ZDHHC21: variants seen among roughly 807,000 people sequenced by gnomAD.
ZDHHC21 encodes palmitoyltransferase ZDHHC21.
Under a neutral mutation model 34.6 loss-of-function variants are expected in ZDHHC21, and 15 were observed. That is an observed-to-expected ratio of 0.43 (90% CI 0.29 to 0.67). The LOEUF (loss-of-function observed/expected upper bound fraction) is 0.67. ZDHHC21 is among the 30% of genes least tolerant of loss of function. The pLI is 0.14. For synonymous variants in ZDHHC21, 142 were observed against 101.8 expected, an observed-to-expected ratio of 1.40 and a Z score of -2.38; for missense variants, 344 against 327.7, an observed-to-expected ratio of 1.05 and a Z score of -0.38.
chr9:14,683,319 GAA>G (rs1253697465), intron 2 of ZDHHC21, among the ~76,000 whole-genome samples: 1 of 72,390 alleles, frequency 1.4e-5, no homozygotes, highest in Non-Finnish European at 3.5e-5. Flanking sequence ...TAATAAAGAA[GAA>G]AAGAGAGAAG....
chr9:14,620,663 G>C (rs2133438653), intron 8 of ZDHHC21, among the ~76,000 whole-genome samples: 1 of 152,010 alleles, frequency 6.6e-6, no homozygotes, highest in South Asian at 2.1e-4. Flanking sequence ...CTAATAAACA[G>C]CACCTTCACT....
intron 8 of ZDHHC21, among the ~76,000 whole-genome samples, chr9:14,635,382 A>G (rs1828098489): frequency 6.6e-6 from 1 of 152,222 alleles, no homozygotes; most frequent in African/African-American, 2.4e-5. Context: ...GATTTGGCAC[A>G]TCATAATCAA....
the ZDHHC21 span, among the ~76,000 whole-genome samples, chr9:14,596,253 A>G: frequency 1.3e-5 from 2 of 152,234 alleles, no homozygotes; most frequent in African/African-American, 4.8e-5. Flanking sequence ...CAGCAGAATG[A>G]GTATGACCCC....
chr9:14,650,174 C>G (rs990278013), intron 7 of ZDHHC21, among the ~76,000 whole-genome samples: 1 of 151,732 alleles, frequency 6.6e-6, no homozygotes. Context: ...GATATACTGA[C>G]AAATGGAATT....
intron 7 of ZDHHC21, among the ~76,000 whole-genome samples, chr9:14,644,573 G>C (rs1483057804): frequency 1.3e-5 from 2 of 151,854 alleles, no homozygotes; most frequent in African/African-American, 4.8e-5. Flanking sequence ...CTAAGTTCTA[G>C]TTTACTAAGA....
intron 7 of ZDHHC21, among the ~76,000 whole-genome samples, chr9:14,655,691 G>T (rs1308160047): frequency 6.6e-6 from 1 of 151,430 alleles, no homozygotes; most frequent in Non-Finnish European, 1.5e-5. Flanking sequence ...AAAAGAAAAA[G>T]CCATTAGAAA....
intron 1 of ZDHHC21, among the ~76,000 whole-genome samples, chr9:14,692,221 C>G (rs2890987): frequency 0.15 from 23,491 of 152,122 alleles, 2,291 homozygotes; most frequent in East Asian, 0.35. Flanking sequence ...ACACCAAAAG[C>G]CTTTTAATCC....
chr9:14,633,920 C>A (rs1013049585), intron 8 of ZDHHC21, among the ~76,000 whole-genome samples: 1 of 152,166 alleles, frequency 6.6e-6, no homozygotes, highest in African/African-American at 2.4e-5. Context: ...TTGCCTTGGG[C>A]CTGGAGATCA....
chr9:14,619,080 T>C lies in ZDHHC21; in HGVS notation c.684A>G (p.Pro228=), dbSNP rs762363537. Residue 228 remains proline (P), a synonymous_variant, in exon 10 of 10, where the codon CCA becomes CCG. Coordinates refer to ENST00000380916, the MANE Select transcript of ZDHHC21 (RefSeq NM_178566.6). ...AAACTTCTGAGAAGGTCTGCTGCCA[T>C]GGCTTTCGGGGCCTCGATCTACAGA... The part of the protein sequence containing the change: ...CCEDISRPRK[P]WQQTFSEVFG... 24 of 1,610,948 alleles carry C rather than the reference T, an allele frequency of 1.5e-5. No individual in the cohort carries two copies. Among genetic ancestry groups the C allele is most frequent in the Non-Finnish European group, 2.0e-5 (23 of 1,178,562 alleles).
downstream of ZDHHC21, among the ~76,000 whole-genome samples, chr9:14,607,100 A>G (rs1823036310): frequency 6.7e-6 from 1 of 149,576 alleles, no homozygotes; most frequent in Non-Finnish European, 1.5e-5. Context: ...AAAAAAAAAA[A>G]TCTACATGAT....
At position 14,616,156 on chromosome 9, in the gene ZDHHC21, T is replaced by C. The variant is rs1350048431; in HGVS notation, c.*2810A>G. On this transcript the variant is annotated 3_prime_UTR_variant, in exon 10 of 10. Transcript: ENST00000380916. ...TAAATGTAGTTTTTTAGATATTCAT[T>C]AAAACACAGAAAATGCTTGGTTGTC... The C allele has an allele frequency of 6.6e-6, 1 of 151,790 alleles. No individual in the cohort carries two copies. The highest frequency in any genetic ancestry group is 1.5e-5 in the Non-Finnish European group (1 of 67,756). The allele number at this position is 151,790 out of a possible 1,614,324, so 9.4% of individuals were successfully genotyped here. A position where few individuals can be genotyped will look rare whatever the true frequency, so the allele number is the denominator to read the frequency against.
intron 6 of ZDHHC21, among the ~76,000 whole-genome samples, chr9:14,661,899 A>G (rs1164215461): frequency 6.6e-6 from 1 of 152,184 alleles, no homozygotes; most frequent in Non-Finnish European, 1.5e-5. Context: ...AGTACATCCT[A>G]CTTGTCAGAT....
chr9:14,638,948 A>T (rs1342944613), intron 8 of ZDHHC21, among the ~76,000 whole-genome samples: 1 of 152,054 alleles, frequency 6.6e-6, no homozygotes, highest in African/African-American at 2.4e-5. Context: ...GAATACTGAG[A>T]ATTCTTAAAA....
chr9:14,654,730 G>C (rs768393467), intron 7 of ZDHHC21, among the ~76,000 whole-genome samples: 1 of 152,062 alleles, frequency 6.6e-6, no homozygotes, highest in African/African-American at 2.4e-5. Context: ...GAACTCATTA[G>C]AAGGATTTAA....
chr9:14,644,953 T>C (rs546979407), intron 7 of ZDHHC21, among the ~76,000 whole-genome samples: 5 of 151,816 alleles, frequency 3.3e-5, no homozygotes, highest in East Asian at 3.9e-4. Flanking sequence ...CAGAGCAAGG[T>C]AGGAAAGTCG....
At chr9:14,607,537 C>T (rs1185380154), downstream of ZDHHC21, among the ~76,000 whole-genome samples, 1 of 146,180 alleles carries the variant, frequency 6.8e-6, no homozygotes, top group African/African-American at 2.6e-5. Flanking sequence ...CCAGTAGCTA[C>T]TTTTGGGGAG....
intron 8 of ZDHHC21, among the ~76,000 whole-genome samples, chr9:14,630,398 A>G (rs1057316834): frequency 6.6e-6 from 1 of 152,098 alleles, no homozygotes; most frequent in African/African-American, 2.4e-5. Context: ...TCCACTTCTT[A>G]TTTCTCTTGT....
rs28778721 is a variant in ZDHHC21 at position 14,665,278 on chromosome 9, C to T, written c.254-2952G>A. On this transcript the variant is annotated intron_variant, in intron 5 of 9. Transcript: ENST00000380916. ...GGAAGATGAAATGAATGAAATGAAG[C>T]GAGAAGGGAAGTTTAGAGAAAAAAG... Among the ~76,000 whole-genome samples, 508 of 131,046 alleles carry T rather than the reference C, an allele frequency of 3.9e-3. 3 individuals are homozygous for T. The highest frequency in any genetic ancestry group is 0.013 in the African/African-American group (434 of 33,850). The allele number at this position is 131,046 out of a possible 152,430, so 86.0% of individuals were successfully genotyped here. A position where few individuals can be genotyped will look rare whatever the true frequency, so the allele number is the denominator to read the frequency against.
At position 14,676,129 on chromosome 9, in the gene ZDHHC21, G is replaced by A. The variant is rs576525391; in HGVS notation, c.-45-1744C>T. On this transcript the variant is annotated intron_variant, in intron 3 of 9. Transcript: ENST00000380916. ...ACCGTGAATAAATTACTGAAGCTCTGGTGTGAATGATAAAATTAAAGACAG... is the reference window on the plus strand; with the variant it reads ...ACCGTGAATAAATTACTGAAGCTCTAGTGTGAATGATAAAATTAAAGACAG... 2.6e-5 allele frequency among the ~76,000 whole-genome samples: 4 copies of A among 152,060 alleles called. No individual in the cohort carries two copies. The South Asian group carries it at 8.3e-4, about 32-fold the overall frequency.
Sources: gnomAD v4.1 joint callset for allele counts (sites outside exome capture counted in the v4.1 genomes callset) on GRCh38, gnomAD v4.1.1 for gene constraint, MANE v1.5 for transcripts, NCBI Gene and HGNC (gene_info 2026-07-23, HGNC 2026-07-21) for gene names.